LAPTM4A: variants seen among roughly 807,000 people sequenced by gnomAD.
LAPTM4A encodes lysosomal protein transmembrane 4 alpha, also known as lysosomal-associated transmembrane protein 4A.
Under a neutral mutation model 29.9 loss-of-function variants are expected in LAPTM4A, and 19 were observed. The observed-to-expected ratio is 0.64, with a 90% CI of 0.44 to 0.93. LAPTM4A has a LOEUF of 0.93. Ranked by LOEUF, LAPTM4A falls within the 40% of genes least tolerant of loss-of-function variation. The probability of loss-of-function intolerance (pLI) is 0.00; values close to 1 mark genes in which losing one functional copy is unlikely to be tolerated. For synonymous variants in LAPTM4A, 105 were observed against 102.1 expected (o/e 1.03, Z -0.17); for missense variants, 293 against 288.5 (o/e 1.02, Z -0.11).
chr2:20,047,668 G>C (rs1177922797), intron 1 of LAPTM4A, among the ~76,000 whole-genome samples: 1 of 125,304 alleles, frequency 8.0e-6, no homozygotes, highest in Non-Finnish European at 1.8e-5. Flanking sequence ...CCGCAGTCCG[G>C]CCTGGGCGAC....
Position 20,037,555 on chromosome 2 carries a change from C to A in LAPTM4A, c.292G>T (p.Val98Phe), listed in dbSNP as rs779762790. 20 of 1,610,542 alleles carry A rather than the reference C, an allele frequency of 1.2e-5. No homozygotes were observed. The highest frequency in any genetic ancestry group is 1.7e-5 in the Non-Finnish European group (20 of 1,178,666). The change falls in exon 3 of 7, where the codon GTT (valine) becomes TTT (phenylalanine). Residue 98 changes from valine (V) to phenylalanine (F), a missense_variant. Coordinates refer to ENST00000175091, the MANE Select transcript of LAPTM4A (RefSeq NM_014713.5). ...VLMFIISSMLVYGAISYQVGW... is the reference protein window; with the variant it reads ...VLMFIISSMLFYGAISYQVGW... ...ATACTTACAGAAATTGCTCCATAAA[C>A]CAGCATTGAACTGATTATAAACATA... is the stretch of plus-strand genomic sequence containing the variant.
chr2:20,043,784 GAAGT>G (rs1000799568), intron 1 of LAPTM4A, among the ~76,000 whole-genome samples: 6 of 152,216 alleles, frequency 3.9e-5, no homozygotes, highest in African/African-American at 9.6e-5. Flanking sequence ...AACAACCCGT[GAAGT>G]AAGTATTACC....
chr2:20,045,543 A>C (rs1357305181), intron 1 of LAPTM4A, among the ~76,000 whole-genome samples: 1 of 152,182 alleles, frequency 6.6e-6, no homozygotes, highest in East Asian at 1.9e-4. Flanking sequence ...GCAATATTTT[A>C]GCAGCATGGG....
chr2:20,034,524 G>C (rs570752575), intron 5 of LAPTM4A, 109 bp from the exon 6 acceptor site: 10 of 768,118 alleles, frequency 1.3e-5, no homozygotes, highest in African/African-American at 5.1e-5. Flanking sequence ...GTGTAGAAGG[G>C]AGCTGACCTC....
chr2:20,047,615 G>C (rs1170576399), intron 1 of LAPTM4A, among the ~76,000 whole-genome samples: 1 of 149,200 alleles, frequency 6.7e-6, no homozygotes, highest in Non-Finnish European at 1.5e-5. Context: ...GCGTGAACCC[G>C]GGAAGCGGAG....
At position 20,034,365 on chromosome 2, in the gene LAPTM4A, T is replaced by C; in HGVS notation, c.579A>G (p.Arg193=). The change falls in exon 6 of 7, where the codon CGA becomes CGG. Residue 193 remains arginine, a synonymous_variant. Transcript: ENST00000175091. ...GGTACACAGCAATCTCCGGCACGTT[T>C]CGGTTGTTGATGTATTTATAGCAGT... ...VWNCYKYINN[R]NVPEIAVYPA... The C allele has an allele frequency of 6.2e-7, 1 of 1,614,166 alleles. No individual in the cohort carries two copies. The highest frequency in any genetic ancestry group is 8.5e-7 in the Non-Finnish European group (1 of 1,179,978).
intron 2 of LAPTM4A, among the ~76,000 whole-genome samples, chr2:20,040,577 C>T (rs1673771963): frequency 6.6e-6 from 1 of 152,214 alleles, no homozygotes; most frequent in Non-Finnish European, 1.5e-5. Flanking sequence ...TTCCATAACA[C>T]TGTAATAGTG....
intron 1 of LAPTM4A, 98 bp from the exon 2 acceptor site, chr2:20,041,109 T>C (rs1446646694): frequency 8.4e-7 from 1 of 1,193,086 alleles, no homozygotes; most frequent in Non-Finnish European, 1.2e-6. Context: ...ATTGTCTTAC[T>C]TGAAGTAACA....
At position 20,037,354 on chromosome 2, in the gene LAPTM4A, T is replaced by C. The variant is rs2103496000; in HGVS notation, c.394A>G (p.Thr132Ala). The change falls in exon 4 of 7, where the codon ACC (threonine) becomes GCC (alanine). Residue 132 changes from threonine (T) to alanine (A), a missense_variant. Coordinates refer to ENST00000175091, the MANE Select transcript of LAPTM4A (RefSeq NM_014713.5). ...LSCLVAISSL[T>A]YLPRIKEYLD... ...TATTCTTTGATTCTTGGCAAATAGG[T>C]GAGAGAACTAATAGCAACCAGGCAA... 4 of 1,613,218 alleles carry C rather than the reference T, an allele frequency of 2.5e-6. No individual in the cohort carries two copies. The highest frequency in any genetic ancestry group is 2.2e-5 in the South Asian group (2 of 90,990).
intron 2 of LAPTM4A, among the ~76,000 whole-genome samples, chr2:20,038,533 C>G (rs1673729349): frequency 1.3e-5 from 2 of 152,084 alleles, no homozygotes; most frequent in South Asian, 4.1e-4. Flanking sequence ...TCATGTGATT[C>G]TCTTGCCTCA....
Position 20,051,544 on chromosome 2 carries a change from G to A in LAPTM4A, c.-24C>T, listed in dbSNP as rs970207432. 8 of 1,478,666 alleles carry A rather than the reference G, an allele frequency of 5.4e-6. No homozygotes were observed. Among genetic ancestry groups the A allele is most frequent in the Non-Finnish European group, 6.5e-6 (7 of 1,077,458 alleles). 91.6% of individuals were successfully genotyped at this position (1,478,666 alleles called of 1,614,324 possible). A position where few individuals can be genotyped will look rare whatever the true frequency, so the allele number is the denominator to read the frequency against. On this transcript the variant is annotated 5_prime_UTR_variant, in exon 1 of 7. Transcript: ENST00000175091. ...ATCGTAACAGGCGGGCCTCCTTCTT[G>A]GCCGGGCCCCTGACAAACGTTCTCC...
rs920772868 is a variant in LAPTM4A, at chr2:20,033,061, C to T, written c.*144G>A. The T allele has an allele frequency of 7.4e-6, 5 of 675,836 alleles. No individual in the cohort carries two copies. Among genetic ancestry groups the T allele is most frequent in the African/African-American group, 3.7e-5 (2 of 54,774 alleles). The allele number at this position is 675,836 out of a possible 1,614,324, so 41.9% of individuals were successfully genotyped here. ...AAGACGTTTAACAGATGTCAAAAAG[C>T]TCCTTAGTGTTTGAAAATAAATGCT... On this transcript the variant is annotated 3_prime_UTR_variant, in exon 7 of 7. Coordinates refer to ENST00000175091, the MANE Select transcript of LAPTM4A (RefSeq NM_014713.5).
intron 1 of LAPTM4A, among the ~76,000 whole-genome samples, 184 bp downstream of exon 1, chr2:20,051,226 C>T (rs61498030): frequency 1.8e-3 from 279 of 152,246 alleles, no homozygotes; most frequent in African/African-American, 6.4e-3. Context: ...CCCCCGACTC[C>T]GATTCCTGAA....
At chr2:20,035,566 A>G (rs1256996938) in intron 4 of LAPTM4A, among the ~76,000 whole-genome samples, 2 of 152,256 alleles carry the variant, frequency 1.3e-5, no homozygotes, top group Admixed American at 6.5e-5. Flanking sequence ...CAGGCAAGAC[A>G]TAAGTTTTAC....
At chr2:20,036,738 G>A (rs1035207021) in intron 4 of LAPTM4A, among the ~76,000 whole-genome samples, 1 of 152,098 alleles carries the variant, frequency 6.6e-6, no homozygotes, top group Admixed American at 6.6e-5. Context: ...TGGCCACCCA[G>A]CCCAGAGTTT....
At chr2:20,050,166 A>C (rs1251723510) in intron 1 of LAPTM4A, among the ~76,000 whole-genome samples, 2 of 152,232 alleles carry the variant, frequency 1.3e-5, no homozygotes, top group African/African-American at 2.4e-5. Flanking sequence ...TTAAATGTAC[A>C]TCAGAAACAA....
At position 20,041,012 on chromosome 2, in the gene LAPTM4A, C is replaced by A. The variant is rs1399331779; in HGVS notation, c.112-1G>T. On this transcript the variant is annotated splice_acceptor_variant, in intron 1 of 6. Coordinates refer to ENST00000175091, the MANE Select transcript of LAPTM4A (RefSeq NM_014713.5). LOFTEE classifies it high-confidence loss of function. ...AAATTGCCATCAATAGGTTTACTAC[C>A]TGGAAAAGATAACATTCTATCAGTT... 1 of 1,613,748 alleles carries A rather than the reference C, an allele frequency of 6.2e-7. No homozygotes were observed. Among genetic ancestry groups the A allele is most frequent in the South Asian group, 1.1e-5 (1 of 91,040 alleles).
chr2:20,041,776 A>C (rs1408901395), intron 1 of LAPTM4A, among the ~76,000 whole-genome samples: 1 of 152,084 alleles, frequency 6.6e-6, no homozygotes, highest in African/African-American at 2.4e-5. Flanking sequence ...CTCAAGTGAT[A>C]CACCCAGCCC....
chr2:20,035,084 A>T, intron 4 of LAPTM4A, 22 bp from the exon 5 acceptor site: 1 of 1,540,998 alleles, frequency 6.5e-7, no homozygotes, highest in Non-Finnish European at 9.0e-7. Flanking sequence ...ACACACACAC[A>T]TTTACAAGTC....
Sources: allele counts gnomAD v4.1 joint callset (sites outside exome capture counted in the v4.1 genomes callset), GRCh38; gene constraint gnomAD v4.1.1; transcripts MANE v1.5; gene names NCBI Gene and HGNC (gene_info 2026-07-23, HGNC 2026-07-21).